Variants in P2RY14 observed in about 807,000 individuals in gnomAD.
P2RY14 encodes purinergic receptor P2Y14, also known as P2Y purinoceptor 14.
In P2RY14, 2 loss-of-function variants were observed where a neutral mutation model predicts 0.9. The ratio of observed to expected loss-of-function variants is 2.16; its 90% CI spans 0.88 to 6.79. The LOEUF (loss-of-function observed/expected upper bound fraction) is 6.79, where lower values mean the gene tolerates loss of function less well. Among genes scored for constraint, P2RY14 ranks in the 30% most tolerant of loss-of-function variants. P2RY14 has a pLI of 0.05. For synonymous variants in P2RY14, 158 were observed against 147.2 expected (o/e 1.07, Z -0.53); for missense variants, 378 against 400.1 (o/e 0.94, Z 0.47).
At chr3:151,262,803 C>T (rs1478640245) in intron 1 of P2RY14, among the ~76,000 whole-genome samples, 5 of 152,062 alleles carry the variant, frequency 3.3e-5, no homozygotes, top group Non-Finnish European at 7.4e-5. Context: ...GTTCTAAATT[C>T]CTTATTTATA....
chr3:151,266,445 A>T (rs1281102881), intron 1 of P2RY14, among the ~76,000 whole-genome samples: 9 of 152,244 alleles, frequency 5.9e-5, no homozygotes, highest in Non-Finnish European at 1.5e-5. Flanking sequence ...AACATTAAAC[A>T]CAGGTTGCCT....
intron 1 of P2RY14, among the ~76,000 whole-genome samples, chr3:151,259,256 G>T (rs1738418084): frequency 6.6e-6 from 1 of 152,162 alleles, no homozygotes; most frequent in African/African-American, 2.4e-5. Context: ...TCAACCTCTG[G>T]CTTTCCTTCA....
At chr3:151,258,050 G>GT (rs1738153900) in intron 1 of P2RY14, among the ~76,000 whole-genome samples, 2 of 152,162 alleles carry the variant, frequency 1.3e-5, no homozygotes. Context: ...TTCCTGATTA[G>GT]TAAAGGTGCA....
At chr3:151,235,407 A>G (rs1732531561) in intron 1 of P2RY14, among the ~76,000 whole-genome samples, 1 of 152,132 alleles carries the variant, frequency 6.6e-6, no homozygotes, top group African/African-American at 2.4e-5. Context: ...TTCTGAAAAG[A>G]TCTAAAAGCA....
chr3:151,249,172 A>C (rs1316208549), intron 1 of P2RY14: 1 of 152,204 alleles, frequency 6.6e-6, no homozygotes, highest in African/African-American at 2.4e-5. Flanking sequence ...CGGCTTGACC[A>C]AATAGTAAAT....
chr3:151,261,668 G>A (rs1398902230), intron 1 of P2RY14, among the ~76,000 whole-genome samples: 1 of 148,832 alleles, frequency 6.7e-6, no homozygotes, highest in Admixed American at 6.6e-5. Context: ...CTCTGGGGAG[G>A]GGTCCAGTGG....
At chr3:151,216,081 T>G (rs1399555286) in intron 2 of P2RY14, among the ~76,000 whole-genome samples, 2 of 152,222 alleles carry the variant, frequency 1.3e-5, no homozygotes, top group Non-Finnish European at 2.9e-5. Flanking sequence ...AACACTCCTC[T>G]CTCCAGCTGT....
intron 1 of P2RY14, among the ~76,000 whole-genome samples, chr3:151,262,601 A>C (rs1324806167): frequency 6.6e-6 from 1 of 152,228 alleles, no homozygotes; most frequent in Non-Finnish European, 1.5e-5. Flanking sequence ...TTTTAAATTT[A>C]CTAAGGGATG....
chr3:151,249,620 C>T (rs1057340686), intron 1 of P2RY14, among the ~76,000 whole-genome samples: 1 of 152,134 alleles, frequency 6.6e-6, no homozygotes, highest in Admixed American at 6.5e-5. Flanking sequence ...ATGCCAGTAC[C>T]TCTTCTACTC....
intron 1 of P2RY14, among the ~76,000 whole-genome samples, chr3:151,246,823 G>A (rs1001887254): frequency 2.0e-5 from 3 of 152,166 alleles, no homozygotes; most frequent in Non-Finnish European, 4.4e-5. Flanking sequence ...TACCATCAGA[G>A]TGAACAGGCA....
At chr3:151,272,968 CTTT>C (rs1655324116) in intron 1 of P2RY14, among the ~76,000 whole-genome samples, 1 of 152,094 alleles carries the variant, frequency 6.6e-6, no homozygotes, top group East Asian at 1.9e-4. Flanking sequence ...ATATCCGAAA[CTTT>C]TTGAGGGCTG....
chr3:151,240,384 A>G (rs73021193), intron 1 of P2RY14, among the ~76,000 whole-genome samples: 4,030 of 152,292 alleles, frequency 0.026, 162 homozygotes, highest in African/African-American at 0.093. Context: ...TTTTATCCTA[A>G]TAAGTTATTA....
chr3:151,253,687 G>A (rs780792542), intron 1 of P2RY14, among the ~76,000 whole-genome samples: 7 of 152,058 alleles, frequency 4.6e-5, no homozygotes, highest in Non-Finnish European at 7.4e-5. Flanking sequence ...TGCTGATGTT[G>A]CCCCAGTCTC....
At position 151,226,878 on chromosome 3, in the gene P2RY14, G is replaced by A. The variant is rs78209248; in HGVS notation, c.-132-7236C>T. 5.7e-3 allele frequency among the ~76,000 whole-genome samples: 871 copies of A among 152,274 alleles called. 13 individuals are homozygous for A. Among genetic ancestry groups the A allele is most frequent in the African/African-American group, 0.02 (829 of 41,540 alleles). On this transcript the variant is annotated intron_variant, in intron 1 of 2. Transcript: ENST00000309170. ...ATACAGAGTCGGACTATCATGAATG[G>A]TGATTACAACAGGTAACGTTAACCT...
chr3:151,272,155 A>T (rs1195383203), intron 1 of P2RY14, among the ~76,000 whole-genome samples: 2 of 152,230 alleles, frequency 1.3e-5, no homozygotes, highest in East Asian at 3.9e-4. Flanking sequence ...ATGAGCTTGC[A>T]GGAAAAGGCA....
At position 151,242,292 on chromosome 3, in the gene P2RY14, T is replaced by A. The variant is rs542480089; in HGVS notation, c.-132-22650A>T. Among the ~76,000 whole-genome samples, 259 of 152,360 alleles carry A rather than the reference T, an allele frequency of 1.7e-3. 2 individuals are homozygous for A. Among genetic ancestry groups the A allele is most frequent in the African/African-American group, 5.9e-3 (244 of 41,596 alleles). On this transcript the variant is annotated intron_variant, in intron 1 of 2. Coordinates refer to ENST00000309170, the MANE Select transcript of P2RY14 (RefSeq NM_014879.4). ...CCACCACAGCTCAAGGAGGCCTGCC[T>A]GCCTCTCTAGGCTCCACCTCTGGGG... is the stretch of plus-strand genomic sequence containing the variant.
intron 2 of P2RY14, among the ~76,000 whole-genome samples, chr3:151,216,744 G>A (rs1443884992): frequency 5.3e-5 from 8 of 152,162 alleles, no homozygotes; most frequent in East Asian, 3.9e-4. Flanking sequence ...GTCTTCTATC[G>A]CCTTTCTCCT....
intron 1 of P2RY14, among the ~76,000 whole-genome samples, chr3:151,221,294 T>C (rs1012264208): frequency 6.6e-6 from 1 of 152,092 alleles, no homozygotes; most frequent in African/African-American, 2.4e-5. Flanking sequence ...AGCCTGACAA[T>C]GCAATAGAAA....
intron 1 of P2RY14, among the ~76,000 whole-genome samples, chr3:151,227,013 T>C (rs1053630549): frequency 1.3e-5 from 2 of 152,216 alleles, no homozygotes; most frequent in East Asian, 3.8e-4. Flanking sequence ...CTCTGCTTGC[T>C]GCTGTTTGTC....
Sources: allele counts gnomAD v4.1 joint callset (sites outside exome capture counted in the v4.1 genomes callset), GRCh38; gene constraint gnomAD v4.1.1; transcripts MANE v1.5; gene names NCBI Gene and HGNC (gene_info 2026-07-23, HGNC 2026-07-21).